Variants in ALK observed in about 807,000 individuals in gnomAD.
ALK encodes the protein ALK receptor tyrosine kinase.
Under a neutral mutation model 163.1 loss-of-function variants are expected in ALK, and 74 were observed. The observed-to-expected ratio is 0.45, with a 90% CI of 0.38 to 0.55. The LOEUF is 0.55. Among genes scored for constraint, ALK ranks in the 20% least tolerant of loss-of-function variants. The pLI is 0.00. For missense variants in ALK, 2,063 were observed against 2,105.3 expected, an observed-to-expected ratio of 0.98 and a Z score of 0.39; for synonymous variants, 960 against 843.2, an observed-to-expected ratio of 1.14 and a Z score of -2.40.
intron 25 of ALK, 41 bp from the exon 26 acceptor site, chr2:29,207,313 T>G (rs2148152387): frequency 6.7e-7 from 1 of 1,491,920 alleles, no homozygotes; most frequent in African/African-American, 1.4e-5. Flanking sequence ...GATCTGGAGA[T>G]GGCATTAAGC....
intron 3 of ALK, among the ~76,000 whole-genome samples, chr2:29,646,264 A>T (rs768518886): frequency 1.1e-4 from 17 of 151,976 alleles, no homozygotes; most frequent in Non-Finnish European, 2.2e-4. Context: ...TTTCTCTCAC[A>T]TTCTATGTCC....
intron 1 of ALK, among the ~76,000 whole-genome samples, chr2:29,786,994 A>G (rs548942398): frequency 6.2e-4 from 94 of 152,192 alleles, no homozygotes; most frequent in African/African-American, 2.2e-3. Flanking sequence ...ACAGGGTTTC[A>G]CCATGTTAGC....
intron 1 of ALK, among the ~76,000 whole-genome samples, chr2:29,790,085 G>A (rs1231488408): frequency 2.0e-5 from 3 of 152,210 alleles, no homozygotes; most frequent in Non-Finnish European, 4.4e-5. Flanking sequence ...GGGTAGGCAT[G>A]TGGGTTAATG....
chr2:29,303,451 A>G (rs1666424464), intron 8 of ALK, among the ~76,000 whole-genome samples: 1 of 152,218 alleles, frequency 6.6e-6, no homozygotes, highest in African/African-American at 2.4e-5. Flanking sequence ...AAATTAGTTC[A>G]GTTGCTGTGG....
At chr2:29,815,918 G>A (rs1233470609) in intron 1 of ALK, among the ~76,000 whole-genome samples, 1 of 152,218 alleles carries the variant, frequency 6.6e-6, no homozygotes, top group African/African-American at 2.4e-5. Flanking sequence ...AATTTGAAAG[G>A]AGGCAAATAG....
intron 3 of ALK, among the ~76,000 whole-genome samples, chr2:29,663,112 A>G (rs1677400215): frequency 1.3e-5 from 2 of 152,128 alleles, no homozygotes; most frequent in Admixed American, 6.6e-5. Flanking sequence ...TTCAACTACC[A>G]CTGTATTTCC....
intron 1 of ALK, among the ~76,000 whole-genome samples, chr2:29,725,930 G>A (rs1213891244): frequency 6.6e-6 from 1 of 152,078 alleles, no homozygotes; most frequent in Non-Finnish European, 1.5e-5. Flanking sequence ...TTCCAGACAT[G>A]ATTTCAGCAT....
intron 1 of ALK, among the ~76,000 whole-genome samples, chr2:29,873,295 T>C (rs1029873037): frequency 6.6e-6 from 1 of 152,146 alleles, no homozygotes; most frequent in Non-Finnish European, 1.5e-5. Context: ...CCAAATACCA[T>C]ATCCAGAGCC....
intron 1 of ALK, among the ~76,000 whole-genome samples, chr2:29,868,395 G>A (rs1487166045): frequency 6.6e-6 from 1 of 152,196 alleles, no homozygotes; most frequent in African/African-American, 2.4e-5. Flanking sequence ...TTCTACAGGG[G>A]AAAGACAGGC....
intron 3 of ALK, among the ~76,000 whole-genome samples, chr2:29,692,594 T>A (rs190984142): frequency 6.6e-6 from 1 of 152,376 alleles, no homozygotes; most frequent in East Asian, 1.9e-4. Context: ...ATAGGATTCA[T>A]GTTCCTATAA....
At chr2:29,537,824 G>T (rs1285980173) in intron 3 of ALK, among the ~76,000 whole-genome samples, 1 of 152,258 alleles carries the variant, frequency 6.6e-6, no homozygotes, top group Non-Finnish European at 1.5e-5. Flanking sequence ...GCTGCCTAAG[G>T]CCCTGGGAGC....
chr2:29,809,621 G>A (rs1032807299), intron 1 of ALK, among the ~76,000 whole-genome samples: 2 of 152,212 alleles, frequency 1.3e-5, no homozygotes, highest in African/African-American at 4.8e-5. Context: ...GTTTGGGGGT[G>A]CAGGACATTA....
intron 3 of ALK, among the ~76,000 whole-genome samples, chr2:29,689,471 ACTTTT>A (rs1678333111): frequency 6.6e-6 from 1 of 152,166 alleles, no homozygotes; most frequent in Non-Finnish European, 1.5e-5. Flanking sequence ...AACATGGCAA[ACTTTT>A]GGGGTAGGGG....
intron 4 of ALK, among the ~76,000 whole-genome samples, chr2:29,519,263 T>A (rs144896399): frequency 1.5e-3 from 224 of 152,362 alleles, no homozygotes; most frequent in Non-Finnish European, 2.8e-3. Context: ...CAAAGCCAGA[T>A]GGGCTTTGGA....
At chr2:29,915,364 C>G in intron 1 of ALK, among the ~76,000 whole-genome samples, 1 of 152,286 alleles carries the variant, frequency 6.6e-6, no homozygotes, top group Admixed American at 6.5e-5. Context: ...GGAACTAAGG[C>G]GCATGCCACA....
At chr2:29,582,032 C>T (rs1674710879) in intron 3 of ALK, among the ~76,000 whole-genome samples, 1 of 152,188 alleles carries the variant, frequency 6.6e-6, no homozygotes, top group African/African-American at 2.4e-5. Flanking sequence ...ATTCAACAAG[C>T]ATTTATTGGG....
chr2:29,532,224 G>C, intron 3 of ALK, 108 bp from the exon 4 acceptor site: 2 of 1,021,584 alleles, frequency 2.0e-6, no homozygotes, highest in Non-Finnish European at 3.0e-6. Flanking sequence ...AGATACTGGA[G>C]GCCATTATCT....
At chr2:29,861,476 A>T (rs1319515603) in intron 1 of ALK, among the ~76,000 whole-genome samples, 1 of 152,186 alleles carries the variant, frequency 6.6e-6, no homozygotes, top group African/African-American at 2.4e-5. Flanking sequence ...AGAAATACAA[A>T]AGATCATAAC....
intron 4 of ALK, among the ~76,000 whole-genome samples, chr2:29,524,610 C>T (rs1337411181): frequency 2.6e-5 from 4 of 152,230 alleles, no homozygotes; most frequent in Admixed American, 6.5e-5. Flanking sequence ...GCAAACTGAA[C>T]ATGCACTGTA....
Sources: gnomAD v4.1 joint callset for allele counts (sites outside exome capture counted in the v4.1 genomes callset) on GRCh38, gnomAD v4.1.1 for gene constraint, MANE v1.5 for transcripts, NCBI Gene and HGNC (gene_info 2026-07-23, HGNC 2026-07-21) for gene names.